SYT1: variants seen among roughly 807,000 people sequenced by gnomAD.
SYT1 encodes the protein synaptotagmin-1.
A neutral mutation model predicts 44.8 loss-of-function variants in SYT1; 8 were observed. The ratio of observed to expected loss-of-function variants is 0.18; its 90% CI spans 0.10 to 0.32. The LOEUF is 0.32. Among genes scored for constraint, SYT1 ranks in the 10% least tolerant of loss-of-function variants. The pLI is 1.00. For missense variants in SYT1, 286 were observed against 509.3 expected, an observed-to-expected ratio of 0.56 and a Z score of 4.22; for synonymous variants, 154 against 188.8, an observed-to-expected ratio of 0.82 and a Z score of 1.51.
In SYT1 at chr12:79,239,168, A is replaced by G. The variant is rs144881522; in HGVS notation, c.166+21483A>G. On this transcript the variant is annotated intron_variant, in intron 4 of 10. Transcript: ENST00000261205. ...AAATATGTGTAAAAAATTGACTTGTAGAGATATCTTAGTTTTCTATTGCTG... is the reference window on the plus strand; with the variant it reads ...AAATATGTGTAAAAAATTGACTTGTGGAGATATCTTAGTTTTCTATTGCTG... 4.1e-3 allele frequency among the ~76,000 whole-genome samples: 629 copies of G among 152,336 alleles called. 3 individuals carry two copies. Among genetic ancestry groups the G allele is most frequent in the African/African-American group, 0.014 (593 of 41,584 alleles).
At chr12:79,136,852 C>G (rs1459339324) in intron 3 of SYT1, among the ~76,000 whole-genome samples, 6 of 152,088 alleles carry the variant, frequency 3.9e-5, no homozygotes, top group Non-Finnish European at 7.4e-5. Context: ...GCCTTACTTG[C>G]ATATTAAAAT....
intron 9 of SYT1, among the ~76,000 whole-genome samples, chr12:79,363,604 G>A (rs987792575): frequency 1.2e-4 from 18 of 151,438 alleles, no homozygotes; most frequent in African/African-American, 1.9e-4. Flanking sequence ...GAATGGTAGC[G>A]CACACCTGTG....
At chr12:79,299,290 T>C in intron 7 of SYT1, 94 bp from the exon 8 acceptor site, 2 of 1,375,938 alleles carry the variant, frequency 1.5e-6, no homozygotes. Flanking sequence ...GTTCTGTTTA[T>C]GCAACGTAAA....
chr12:78,953,505 C>T (rs980921616), intron 1 of SYT1, among the ~76,000 whole-genome samples: 1 of 152,028 alleles, frequency 6.6e-6, no homozygotes, highest in Non-Finnish European at 1.5e-5. Context: ...GTATCATCAT[C>T]GCCCAATCCT....
Position 78,981,655 on chromosome 12 carries a change from T to C in SYT1, c.-84+3724T>C, listed in dbSNP as rs563343212. Among the ~76,000 whole-genome samples the C allele has an allele frequency of 3.6e-3, 551 of 152,304 alleles. 4 individuals are homozygous for C. The highest frequency in any genetic ancestry group is 6.8e-3 in the Non-Finnish European group (460 of 68,012). On this transcript the variant is annotated intron_variant, in intron 2 of 10. Coordinates refer to ENST00000261205, the MANE Select transcript of SYT1 (RefSeq NM_005639.3). ...TATTGAGTTCCACTTTCTAAGGAATTCTACCCTTTGTTTCTTTCTGAAAAT... is the reference window on the plus strand; with the variant it reads ...TATTGAGTTCCACTTTCTAAGGAATCCTACCCTTTGTTTCTTTCTGAAAAT...
intron 3 of SYT1, among the ~76,000 whole-genome samples, chr12:79,204,778 CTTTTTT>C (rs5799419): frequency 6.1e-5 from 1 of 16,452 alleles, no homozygotes; most frequent in Non-Finnish European, 1.1e-4. Flanking sequence ...CCTGTTGTAA[CTTTTTT>C]TTTTTTTTTT....
chr12:79,129,336 A>G (rs1429983730), intron 3 of SYT1, among the ~76,000 whole-genome samples: 1 of 152,242 alleles, frequency 6.6e-6, no homozygotes, highest in Non-Finnish European at 1.5e-5. Context: ...GGAAAACAGA[A>G]CACAGTTTGC....
chr12:79,399,245 A>G (rs535214643), intron 9 of SYT1, among the ~76,000 whole-genome samples: 1 of 150,474 alleles, frequency 6.6e-6, no homozygotes, highest in South Asian at 2.1e-4. Context: ...TTTTTGATGC[A>G]GATTGTTATA....
chr12:79,335,669 A>G (rs1311244755), intron 8 of SYT1, among the ~76,000 whole-genome samples: 14 of 152,102 alleles, frequency 9.2e-5, no homozygotes, highest in Admixed American at 9.2e-4. Flanking sequence ...CAAAATACCC[A>G]ATGACAACCT....
chr12:79,002,215 T>A (rs2137534281), intron 2 of SYT1, among the ~76,000 whole-genome samples: 1 of 152,182 alleles, frequency 6.6e-6, no homozygotes, highest in East Asian at 1.9e-4. Context: ...TTTGCAGAAA[T>A]AACATGGAAA....
chr12:79,375,190 A>G (rs1252854139), intron 9 of SYT1, among the ~76,000 whole-genome samples: 1 of 152,200 alleles, frequency 6.6e-6, no homozygotes, highest in Non-Finnish European at 1.5e-5. Context: ...TCTGGTCCAC[A>G]GGTAGTAACC....
intron 1 of SYT1, among the ~76,000 whole-genome samples, chr12:78,908,428 AG>A (rs1221083571): frequency 4.6e-5 from 7 of 151,688 alleles, no homozygotes; most frequent in Non-Finnish European, 7.4e-5. Context: ...TGTTACCTTA[AG>A]GGCACATGGT....
At chr12:78,913,616 T>C (rs1876471826) in intron 1 of SYT1, among the ~76,000 whole-genome samples, 2 of 151,896 alleles carry the variant, frequency 1.3e-5, no homozygotes, top group Admixed American at 1.3e-4. Flanking sequence ...TCTGAATAAG[T>C]ATTTAAGTAG....
intron 1 of SYT1, among the ~76,000 whole-genome samples, chr12:78,884,586 A>G (rs1197838852): frequency 6.6e-6 from 1 of 151,486 alleles, no homozygotes; most frequent in Admixed American, 6.6e-5. Context: ...TAATATTTTC[A>G]TTAATAATTG....
chr12:79,060,138 C>T (rs1875266780), intron 3 of SYT1, among the ~76,000 whole-genome samples: 1 of 152,074 alleles, frequency 6.6e-6, no homozygotes, highest in African/African-American at 2.4e-5. Context: ...GCTGGTTGAA[C>T]CAAAGTGACA....
At chr12:79,340,929 A>G (rs2139046949) in intron 8 of SYT1, among the ~76,000 whole-genome samples, 1 of 152,314 alleles carries the variant, frequency 6.6e-6, no homozygotes, top group South Asian at 2.1e-4. Flanking sequence ...AAATTCCTCT[A>G]CTTTCTCTAT....
intron 1 of SYT1, among the ~76,000 whole-genome samples, chr12:78,963,278 T>A (rs1879608961): frequency 6.6e-6 from 1 of 152,006 alleles, no homozygotes; most frequent in African/African-American, 2.4e-5. Context: ...ATTTCGTGAG[T>A]CTGAAAATAA....
chr12:79,030,454 G>C (rs1872763327), intron 2 of SYT1, among the ~76,000 whole-genome samples: 1 of 151,096 alleles, frequency 6.6e-6, no homozygotes, highest in East Asian at 2.0e-4. Context: ...AAAACGCATA[G>C]AAAGAATGGT....
intron 4 of SYT1, among the ~76,000 whole-genome samples, chr12:79,265,615 T>A (rs954322315): frequency 6.6e-6 from 1 of 152,092 alleles, no homozygotes; most frequent in Admixed American, 6.6e-5. Flanking sequence ...AGGACCTAAA[T>A]CTGATCCCAA....
Sources: allele counts gnomAD v4.1 joint callset (sites outside exome capture counted in the v4.1 genomes callset), GRCh38; gene constraint gnomAD v4.1.1; transcripts MANE v1.5; gene names NCBI Gene and HGNC (gene_info 2026-07-23, HGNC 2026-07-21).